PRKD1: variants seen among roughly 807,000 people sequenced by gnomAD.
PRKD1 encodes the protein protein kinase D1.
A neutral mutation model predicts 95.9 loss-of-function variants in PRKD1; 63 were observed. That is an observed-to-expected ratio of 0.66 (90% CI 0.54 to 0.81). PRKD1 has a LOEUF of 0.81. Among genes scored for constraint, PRKD1 ranks in the 30% least tolerant of loss-of-function variants. The pLI, the probability that PRKD1 is intolerant of heterozygous loss-of-function variation, is 0.00. For synonymous variants in PRKD1, 425 were observed against 423.1 expected (o/e 1.00, Z -0.05); for missense variants, 1,048 against 1,165.3 (o/e 0.90, Z 1.47).
chr14:29,679,652 G>T (rs1883420441), intron 2 of PRKD1, among the ~76,000 whole-genome samples: 1 of 151,478 alleles, frequency 6.6e-6, no homozygotes, highest in Non-Finnish European at 1.5e-5. Context: ...GTCAACATCA[G>T]GAAGAGATGC....
chr14:29,693,148 G>A (rs1486904392), intron 2 of PRKD1, among the ~76,000 whole-genome samples: 1 of 152,122 alleles, frequency 6.6e-6, no homozygotes, highest in African/African-American at 2.4e-5. Flanking sequence ...AACAAGCAGT[G>A]CAATTCTGGT....
At chr14:29,877,271 G>A (rs2139388633) in intron 1 of PRKD1, among the ~76,000 whole-genome samples, 1 of 152,356 alleles carries the variant, frequency 6.6e-6, no homozygotes, top group Admixed American at 6.5e-5. Flanking sequence ...AAATGTTGCA[G>A]CTGCTATGGG....
chr14:29,776,923 C>T (rs1248790702), intron 1 of PRKD1, among the ~76,000 whole-genome samples: 1 of 152,130 alleles, frequency 6.6e-6, no homozygotes, highest in African/African-American at 2.4e-5. Flanking sequence ...AAAGGGAAGC[C>T]CATCAGACTA....
intron 1 of PRKD1, among the ~76,000 whole-genome samples, chr14:29,777,949 A>C (rs1020265341): frequency 2.0e-5 from 3 of 152,240 alleles, no homozygotes; most frequent in Admixed American, 6.5e-5. Flanking sequence ...ACTGTCTCTC[A>C]GACCACAGTG....
At chr14:29,588,790 TTGTGTGTGTGTGTGTGTGTGTGTGTG>T (rs34773417) in intron 16 of PRKD1, among the ~76,000 whole-genome samples, 2 of 145,326 alleles carry the variant, frequency 1.4e-5, no homozygotes, top group Non-Finnish European at 3.0e-5. Context: ...ATTCCTAAAG[TTGTGTGTGTGTGTGTGTGTGTGTGTG>T]TGTGTGTGTG....
chr14:29,683,206 A>T (rs1411969053), intron 2 of PRKD1, among the ~76,000 whole-genome samples: 1 of 152,200 alleles, frequency 6.6e-6, no homozygotes. Context: ...ATGGGGCTGT[A>T]GCAATAGAAA....
intron 1 of PRKD1, among the ~76,000 whole-genome samples, chr14:29,891,388 G>C (rs1462087087): frequency 6.6e-6 from 1 of 151,392 alleles, no homozygotes; most frequent in Non-Finnish European, 1.5e-5. Context: ...TGAAATATTT[G>C]GTTAGATACC....
chr14:29,886,791 C>T (rs1893722454), intron 1 of PRKD1, among the ~76,000 whole-genome samples: 1 of 152,142 alleles, frequency 6.6e-6, no homozygotes, highest in African/African-American at 2.4e-5. Context: ...TTGGAACTGA[C>T]CAAAAGGTAG....
At chr14:29,879,271 C>T (rs1594597550) in intron 1 of PRKD1, among the ~76,000 whole-genome samples, 1 of 152,210 alleles carries the variant, frequency 6.6e-6, no homozygotes, top group Admixed American at 6.5e-5. Context: ...AGAATTCCCA[C>T]ATGTGGGAGG....
chr14:29,820,301 T>C (rs1044530235), intron 1 of PRKD1, among the ~76,000 whole-genome samples: 19 of 152,234 alleles, frequency 1.2e-4, no homozygotes, highest in Non-Finnish European at 5.9e-5. Flanking sequence ...ACTTTGGCAC[T>C]AGCCTTAAAG....
intron 1 of PRKD1, among the ~76,000 whole-genome samples, chr14:29,823,853 A>G (rs1283931332): frequency 1.3e-5 from 2 of 152,194 alleles, no homozygotes; most frequent in Non-Finnish European, 2.9e-5. Context: ...GCTGAAGTCG[A>G]AGAAACAGGA....
At chr14:29,924,716 T>G (rs936735565) in intron 1 of PRKD1, among the ~76,000 whole-genome samples, 2 of 151,898 alleles carry the variant, frequency 1.3e-5, no homozygotes, top group Admixed American at 1.3e-4. Flanking sequence ...ATCCCCAAAC[T>G]CCTGTCATCC....
rs755355328 is a variant in PRKD1 at position 29,725,620 on chromosome 14, C to T, written c.319G>A (p.Asp107Asn). ...MYDKILLFRH[D>N]PTSENILQLV... ...TGAAGGATGTTTTCAGAGGTAGGGT[C>T]ATGGCGAAAAAGCAGGATCTTATCA... is the stretch of plus-strand genomic sequence containing the variant. The change falls in exon 2 of 18, where the codon GAC becomes AAC. Residue 107 changes from aspartate (D) to asparagine (N), a missense_variant. Asp to Asn is a conservative substitution (Grantham distance 23). Coordinates refer to ENST00000331968, the MANE Select transcript of PRKD1 (RefSeq NM_002742.3). 2 of 1,613,424 alleles carry T rather than the reference C, an allele frequency of 1.2e-6. No homozygotes were observed. The highest frequency in any genetic ancestry group is 2.7e-5 in the African/African-American group (2 of 74,832).
At chr14:29,842,340 G>T (rs1233244639) in intron 1 of PRKD1, among the ~76,000 whole-genome samples, 1 of 152,180 alleles carries the variant, frequency 6.6e-6, no homozygotes, top group African/African-American at 2.4e-5. Flanking sequence ...TTAAACAACT[G>T]GCAGTCAATG....
intron 1 of PRKD1, among the ~76,000 whole-genome samples, chr14:29,825,837 C>A (rs1049390155): frequency 2.6e-5 from 4 of 152,042 alleles, no homozygotes; most frequent in African/African-American, 9.7e-5. Context: ...TACAGGCAGG[C>A]AAGCCCCTGC....
At chr14:29,919,794 GTC>G (rs956291626) in intron 1 of PRKD1, among the ~76,000 whole-genome samples, 6 of 151,420 alleles carry the variant, frequency 4.0e-5, no homozygotes, top group African/African-American at 1.5e-4. Flanking sequence ...GCAAAACTCT[GTC>G]TCTACTAAAA....
chr14:29,603,421 G>A (rs1893594803), intron 13 of PRKD1, among the ~76,000 whole-genome samples: 1 of 152,132 alleles, frequency 6.6e-6, no homozygotes, highest in Non-Finnish European at 1.5e-5. Context: ...AGACTACATA[G>A]ATCATGCCTT....
At chr14:29,694,585 T>C (rs1301278787) in intron 2 of PRKD1, among the ~76,000 whole-genome samples, 2 of 152,196 alleles carry the variant, frequency 1.3e-5, no homozygotes, top group African/African-American at 4.8e-5. Context: ...TAGTGAAGAC[T>C]GCATGCCACT....
intron 1 of PRKD1, among the ~76,000 whole-genome samples, chr14:29,799,001 A>G (rs1889922381): frequency 6.6e-6 from 1 of 152,124 alleles, no homozygotes; most frequent in Non-Finnish European, 1.5e-5. Context: ...GGGTGGGAGT[A>G]CCTCCACGAT....
Sources: allele counts gnomAD v4.1 joint callset (sites outside exome capture counted in the v4.1 genomes callset), GRCh38; gene constraint gnomAD v4.1.1; transcripts MANE v1.5; gene names NCBI Gene and HGNC (gene_info 2026-07-23, HGNC 2026-07-21).